The following PRTFDC1 variants were observed in gnomAD, a reference collection of about 807,000 sequenced individuals.
PRTFDC1 encodes the protein phosphoribosyltransferase domain-containing protein 1.
A neutral mutation model predicts 34.6 loss-of-function variants in PRTFDC1; 38 were observed. The observed-to-expected ratio is 1.10, with a 90% CI of 0.85 to 1.44. The LOEUF (loss-of-function observed/expected upper bound fraction) is 1.44, where lower values mean the gene tolerates loss of function less well. PRTFDC1 is among the 40% of genes most tolerant of loss of function. PRTFDC1 has a pLI of 0.00. For missense variants in PRTFDC1, 270 were observed against 283.0 expected (o/e 0.95, Z 0.33); for synonymous variants, 93 against 98.1 (o/e 0.95, Z 0.31).
At chr10:24,907,071 G>A (rs1012137237) in intron 3 of PRTFDC1, among the ~76,000 whole-genome samples, 1 of 152,148 alleles carries the variant, frequency 6.6e-6, no homozygotes, top group Non-Finnish European at 1.5e-5. Flanking sequence ...ATGGGGCCAG[G>A]TGCGGTGGCT....
At chr10:24,858,182 A>G (rs1847615587) in intron 5 of PRTFDC1, among the ~76,000 whole-genome samples, 1 of 152,242 alleles carries the variant, frequency 6.6e-6, no homozygotes, top group African/African-American at 2.4e-5. Flanking sequence ...CAAAAAGGAT[A>G]AAGTCGCCCA....
intron 3 of PRTFDC1, among the ~76,000 whole-genome samples, chr10:24,920,720 TAA>T (rs1228932565): frequency 2.0e-5 from 3 of 152,022 alleles, no homozygotes; most frequent in African/African-American, 7.2e-5. Flanking sequence ...AAAAAGGAAA[TAA>T]GTCATTCTAG....
intron 8 of PRTFDC1, 127 bp downstream of exon 8, chr10:24,851,261 G>A (rs1026684916): frequency 7.5e-7 from 1 of 1,341,082 alleles, no homozygotes; most frequent in Non-Finnish European, 9.9e-7. Context: ...GATGCAATGT[G>A]CTCACCATAC....
chr10:24,923,988 G>A (rs953921950), intron 3 of PRTFDC1, among the ~76,000 whole-genome samples: 4 of 152,172 alleles, frequency 2.6e-5, no homozygotes, highest in African/African-American at 7.2e-5. Context: ...ACCACAGTAC[G>A]AGAACTTCGT....
intron 7 of PRTFDC1, among the ~76,000 whole-genome samples, chr10:24,852,207 G>C (rs575646248): frequency 6.6e-6 from 1 of 151,374 alleles, no homozygotes; most frequent in Admixed American, 6.6e-5. Context: ...TTCTGAGACC[G>C]AGTCTCGCGA....
intron 3 of PRTFDC1, among the ~76,000 whole-genome samples, chr10:24,892,628 C>A (rs750766546): frequency 6.6e-6 from 1 of 152,066 alleles, no homozygotes; most frequent in Non-Finnish European, 1.5e-5. Flanking sequence ...GTGACACAGT[C>A]CTGGTCTGCA....
At chr10:24,862,412 T>C (rs1847694432) in intron 4 of PRTFDC1, among the ~76,000 whole-genome samples, 1 of 152,160 alleles carries the variant, frequency 6.6e-6, no homozygotes, top group Non-Finnish European at 1.5e-5. Context: ...TCTCACTCTA[T>C]TGCCCAGGCT....
chr10:24,910,409 A>G (rs1848608827), intron 3 of PRTFDC1, among the ~76,000 whole-genome samples: 2 of 152,232 alleles, frequency 1.3e-5, no homozygotes, highest in South Asian at 4.1e-4. Flanking sequence ...CATTTCATGT[A>G]TAATGGAGGT....
chr10:24,890,453 C>G (rs1340329049), intron 3 of PRTFDC1, among the ~76,000 whole-genome samples: 3 of 152,234 alleles, frequency 2.0e-5, no homozygotes, highest in Admixed American at 2.0e-4. Flanking sequence ...GGCTATGGAA[C>G]AAGGCACGTG....
chr10:24,901,726 C>G (rs1193793207), intron 3 of PRTFDC1, among the ~76,000 whole-genome samples: 2 of 152,150 alleles, frequency 1.3e-5, no homozygotes, highest in African/African-American at 4.8e-5. Flanking sequence ...AAGACCCAGT[C>G]TCAAATAAGT....
At chr10:24,898,549 C>T (rs1035756156) in intron 3 of PRTFDC1, among the ~76,000 whole-genome samples, 2 of 151,222 alleles carry the variant, frequency 1.3e-5, no homozygotes, top group Admixed American at 6.6e-5. Context: ...TATAATAGAA[C>T]CAGGAACACA....
intron 4 of PRTFDC1, among the ~76,000 whole-genome samples, chr10:24,859,533 G>A (rs762770696): frequency 3.9e-5 from 6 of 152,206 alleles, no homozygotes; most frequent in Non-Finnish European, 8.8e-5. Context: ...GGCACGAGCC[G>A]CCACACCCAG....
intron 3 of PRTFDC1, among the ~76,000 whole-genome samples, chr10:24,920,062 C>T (rs576744012): frequency 2.6e-5 from 4 of 151,986 alleles, no homozygotes; most frequent in Non-Finnish European, 4.4e-5. Flanking sequence ...GAAGACAGTG[C>T]GGCAATCCCT....
intron 2 of PRTFDC1, among the ~76,000 whole-genome samples, chr10:24,939,230 G>A (rs963012720): frequency 6.7e-6 from 1 of 149,802 alleles, no homozygotes; most frequent in African/African-American, 2.5e-5. Context: ...GAACCCAGGA[G>A]GCGGAGGTTG....
chr10:24,877,124 G>T (rs1254867784), intron 3 of PRTFDC1, among the ~76,000 whole-genome samples: 1 of 152,044 alleles, frequency 6.6e-6, no homozygotes, highest in Non-Finnish European at 1.5e-5. Context: ...CCCTCCACAG[G>T]CATTTTGATG....
At chr10:24,871,680 G>A (rs1847870547) in intron 4 of PRTFDC1, among the ~76,000 whole-genome samples, 1 of 151,928 alleles carries the variant, frequency 6.6e-6, no homozygotes. Context: ...ATAAATAAAG[G>A]GAAAGCTTCC....
intron 4 of PRTFDC1, among the ~76,000 whole-genome samples, chr10:24,860,954 T>C (rs1318858481): frequency 6.6e-6 from 1 of 152,218 alleles, no homozygotes; most frequent in Non-Finnish European, 1.5e-5. Context: ...GAAAAACCTT[T>C]CTAAAATGTG....
intron 3 of PRTFDC1, among the ~76,000 whole-genome samples, chr10:24,910,291 T>C (rs954357287): frequency 6.6e-6 from 1 of 152,182 alleles, no homozygotes; most frequent in African/African-American, 2.4e-5. Context: ...ACAGCTTTGG[T>C]TGAGGAAAGA....
intron 3 of PRTFDC1, among the ~76,000 whole-genome samples, chr10:24,908,972 G>A (rs1588608429): frequency 2.0e-5 from 3 of 152,168 alleles, no homozygotes; most frequent in African/African-American, 7.2e-5. Flanking sequence ...CTGAGCCTCC[G>A]TTACCTTCTG....
Sources: gnomAD v4.1 joint callset for allele counts (sites outside exome capture counted in the v4.1 genomes callset) on GRCh38, gnomAD v4.1.1 for gene constraint, MANE v1.5 for transcripts, NCBI Gene and HGNC (gene_info 2026-07-23, HGNC 2026-07-21) for gene names.